FAP: variants seen among roughly 807,000 people sequenced by gnomAD.
FAP encodes fibroblast activation protein alpha, also known as prolyl endopeptidase FAP.
Under a neutral mutation model 126.5 loss-of-function variants are expected in FAP, and 110 were observed. That is an observed-to-expected ratio of 0.87 (90% CI 0.74 to 1.02). The LOEUF is 1.02. Among genes scored for constraint, FAP ranks in the 50% least tolerant of loss-of-function variants. FAP has a pLI of 0.00. For synonymous variants in FAP, 334 were observed against 297.3 expected, an observed-to-expected ratio of 1.12 and a Z score of -1.27; for missense variants, 919 against 909.2, an observed-to-expected ratio of 1.01 and a Z score of -0.14.
intron 14 of FAP, among the ~76,000 whole-genome samples, chr2:162,201,565 A>C (rs1231317689): frequency 6.6e-6 from 1 of 152,068 alleles, no homozygotes; most frequent in Non-Finnish European, 1.5e-5. Flanking sequence ...GTTATGTGGA[A>C]GCTTCCCTGA....
intron 18 of FAP, 42 bp from the exon 19 acceptor site, chr2:162,189,214 A>G (rs758204151): frequency 8.5e-7 from 1 of 1,179,406 alleles, no homozygotes. Flanking sequence ...ATTCCACAGC[A>G]CTAGTAGCAT....
At position 162,190,104 on chromosome 2, in the gene FAP, T is replaced by C. The variant is rs1687986059; in HGVS notation, c.1451-350A>G. ...TGACCTAAGCAGGTGATATTTCTTT[T>C]ATCATATACTTAAAAAAATGTAGTG... On this transcript the variant is annotated intron_variant, in intron 17 of 25. Transcript: ENST00000188790. Among the ~76,000 whole-genome samples, 4 of 152,070 alleles carry C rather than the reference T, an allele frequency of 2.6e-5. No individual in the cohort carries two copies. The South Asian group carries it at 8.3e-4, about 32-fold the overall frequency.
In FAP at chr2:162,189,087, A is replaced by G; in HGVS notation, c.1619+16T>C. 6.6e-7 allele frequency: 1 copy of G among 1,518,500 alleles called. No homozygotes were observed. Among genetic ancestry groups the G allele is most frequent in the South Asian group, 1.2e-5 (1 of 84,220 alleles). The allele number at this position is 1,518,500 out of a possible 1,614,324, so 94.1% of individuals were successfully genotyped here. A position where few individuals can be genotyped will look rare whatever the true frequency, so the allele number is the denominator to read the frequency against. ...TTTCAGTAAATAGTTTTTACACCAA[A>G]GAAAATATTACATACACTTGAATTA... On this transcript the variant is annotated intron_variant, in intron 19 of 25. Transcript: ENST00000188790.
At position 162,171,284 on chromosome 2, in the gene FAP, T is replaced by G. The variant is rs189769225; in HGVS notation, c.2182-204A>C. ...AACCTCCACTACTGTTTCACATGCT[T>G]TAAACATATTTTAGATCTCAGTGGC... On this transcript the variant is annotated intron_variant, in intron 25 of 25. Transcript: ENST00000188790. 1.7e-5 allele frequency: 8 copies of G among 479,370 alleles called. No homozygotes were observed. In the East Asian group the frequency reaches 2.7e-4, roughly 16 times the overall value. The allele number at this position is 479,370 out of a possible 1,614,324, so 29.7% of individuals were successfully genotyped here. A position where few individuals can be genotyped will look rare whatever the true frequency, so the allele number is the denominator to read the frequency against.
At chr2:162,204,921 C>A (rs1324636863) in intron 12 of FAP, among the ~76,000 whole-genome samples, 3 of 152,030 alleles carry the variant, frequency 2.0e-5, no homozygotes, top group Non-Finnish European at 4.4e-5. Context: ...ATATACAAAC[C>A]AAAACCTAAC....
chr2:162,179,806 ATATATAT>A (rs1465542137), intron 21 of FAP, among the ~76,000 whole-genome samples: 3 of 138,854 alleles, frequency 2.2e-5, no homozygotes, highest in Middle Eastern at 3.6e-3. Context: ...ATATATATAT[ATATATAT>A]TTTTTTTTTT....
At chr2:162,224,409 C>A in intron 5 of FAP, 57 bp downstream of exon 5, 2 of 1,054,196 alleles carry the variant, frequency 1.9e-6, no homozygotes, top group East Asian at 2.5e-5. Context: ...TTTTTTAAAC[C>A]ACCTTGTGGA....
intron 21 of FAP, among the ~76,000 whole-genome samples, chr2:162,178,424 G>T (rs549089008): frequency 6.6e-6 from 1 of 152,230 alleles, no homozygotes; most frequent in South Asian, 2.1e-4. Flanking sequence ...TGTATCACAG[G>T]ATGTTTAACA....
At chr2:162,172,255 C>T (rs912987988) in intron 25 of FAP, 1 of 152,176 alleles carries the variant, frequency 6.6e-6, no homozygotes, top group Non-Finnish European at 1.5e-5. Flanking sequence ...TTTCTCATTC[C>T]TCAAGCAACC....
At chr2:162,200,154 A>G (rs1486646480) in intron 15 of FAP, among the ~76,000 whole-genome samples, 1 of 152,234 alleles carries the variant, frequency 6.6e-6, no homozygotes, top group African/African-American at 2.4e-5. Context: ...ACACTAATAT[A>G]GGAACAGACA....
At chr2:162,181,416 A>G (rs7608181) in intron 21 of FAP, among the ~76,000 whole-genome samples, 9,585 of 152,142 alleles carry the variant, frequency 0.063, 1,002 homozygotes, top group African/African-American at 0.22. Context: ...ATTCAGACTC[A>G]TTTTCTATAC....
Position 162,215,963 on chromosome 2 carries a change from G to A in FAP, c.801C>T (p.Ile267=), listed in dbSNP as rs747937736. Residue 267 remains isoleucine (I), a synonymous_variant, in exon 10 of 26, where the codon ATC becomes ATT. Coordinates refer to ENST00000188790, the MANE Select transcript of FAP (RefSeq NM_004460.5). ...CTACATACGCAGGGTAAGTGGTATC[G>A]ATAATAAATATCCGAACAACGGGAT... The part of the protein sequence containing the change: ...AKNPVVRIFI[I]DTTYPAYVGP... 13 of 1,613,990 alleles carry A rather than the reference G, an allele frequency of 8.1e-6. No individual in the cohort carries two copies. The highest frequency in any genetic ancestry group is 6.7e-5 in the East Asian group (3 of 44,868).
chr2:162,219,018 A>G (rs1397369157), intron 8 of FAP, 45 bp downstream of exon 8: 1 of 1,464,856 alleles, frequency 6.8e-7, no homozygotes, highest in Admixed American at 2.3e-5. Flanking sequence ...ATTATTTTAA[A>G]TTAAAAGCCT....
chr2:162,198,546 G>C, intron 16 of FAP: 2 of 748,344 alleles, frequency 2.7e-6, no homozygotes, highest in Non-Finnish European at 4.1e-6. Flanking sequence ...AAGTTACCCT[G>C]TTTCCCCAAA....
chr2:162,197,557 A>G, intron 16 of FAP: 1 of 456,668 alleles, frequency 2.2e-6, no homozygotes, highest in Non-Finnish European at 4.4e-6. Context: ...TGAAAGTGTT[A>G]TTTCAAACTG....
intron 16 of FAP, chr2:162,198,444 G>A (rs1403180600): frequency 8.5e-6 from 8 of 944,452 alleles, no homozygotes; most frequent in Non-Finnish European, 1.1e-5. Flanking sequence ...TCTTAGTGCT[G>A]TGGAATGTGG....
chr2:162,183,668 AGAC>A, intron 20 of FAP, 200 bp from the exon 21 acceptor site: 1 of 513,102 alleles, frequency 1.9e-6, no homozygotes, highest in South Asian at 2.3e-5. Flanking sequence ...GGATTCCCTT[AGAC>A]TCTGTTGTAC....
chr2:162,190,847 C>T (rs1303573066), intron 17 of FAP, among the ~76,000 whole-genome samples: 1 of 151,994 alleles, frequency 6.6e-6, no homozygotes, highest in Non-Finnish European at 1.5e-5. Context: ...TCTTGTAACT[C>T]TCAGTTTTCA....
chr2:162,239,564 C>T (rs888863995), intron 2 of FAP, among the ~76,000 whole-genome samples: 4 of 151,870 alleles, frequency 2.6e-5, no homozygotes, highest in Admixed American at 2.6e-4. Context: ...TCTCTACTCT[C>T]GGAATTAAGA....
Sources: gnomAD v4.1 joint callset for allele counts (sites outside exome capture counted in the v4.1 genomes callset) on GRCh38, gnomAD v4.1.1 for gene constraint, MANE v1.5 for transcripts, NCBI Gene and HGNC (gene_info 2026-07-23, HGNC 2026-07-21) for gene names.